TRPM3: variants seen among roughly 807,000 people sequenced by gnomAD.
TRPM3 encodes transient receptor potential cation channel subfamily M member 3, also known as long transient receptor potential channel 3.
A neutral mutation model predicts 181.2 loss-of-function variants in TRPM3; 77 were observed. The observed-to-expected ratio is 0.42, with a 90% CI of 0.35 to 0.51. TRPM3 has a LOEUF of 0.51. Among genes scored for constraint, TRPM3 ranks in the 20% least tolerant of loss-of-function variants. The pLI, the probability that TRPM3 is intolerant of heterozygous loss-of-function variation, is 0.01. For synonymous variants in TRPM3, 745 were observed against 796.4 expected, an observed-to-expected ratio of 0.94 and a Z score of 1.09; for missense variants, 1,759 against 2,196.7, an observed-to-expected ratio of 0.80 and a Z score of 3.98.
chr9:71,291,476 A>G (rs2085806026), intron 1 of TRPM3, among the ~76,000 whole-genome samples: 1 of 152,120 alleles, frequency 6.6e-6, no homozygotes. Flanking sequence ...AGCCAATTAG[A>G]TCTTTAATTT....
chr9:71,345,870 C>T (rs1426516480), intron 1 of TRPM3, among the ~76,000 whole-genome samples: 1 of 152,180 alleles, frequency 6.6e-6, no homozygotes, highest in African/African-American at 2.4e-5. Flanking sequence ...TTACACCACA[C>T]ATCCGCTAGA....
intron 25 of TRPM3, among the ~76,000 whole-genome samples, chr9:70,545,410 TCTG>T (rs1332290546): frequency 6.6e-6 from 1 of 152,200 alleles, no homozygotes; most frequent in Non-Finnish European, 1.5e-5. Context: ...TAGTAGATGA[TCTG>T]CTGGAAAGCA....
intron 1 of TRPM3, among the ~76,000 whole-genome samples, chr9:71,199,864 C>T (rs1265219936): frequency 6.6e-6 from 1 of 151,920 alleles, no homozygotes; most frequent in East Asian, 1.9e-4. Flanking sequence ...TTTTGTGTCT[C>T]TATTTCCTTC....
At chr9:71,271,651 G>C (rs1217676458) in intron 1 of TRPM3, among the ~76,000 whole-genome samples, 1 of 151,656 alleles carries the variant, frequency 6.6e-6, no homozygotes, top group Non-Finnish European at 1.5e-5. Flanking sequence ...CCCCACCAAA[G>C]AGCCACAAAG....
chr9:71,195,217 A>T (rs1565326745), intron 1 of TRPM3, among the ~76,000 whole-genome samples: 1 of 152,138 alleles, frequency 6.6e-6, no homozygotes. Flanking sequence ...CAGAGTGAAC[A>T]GACAACCTAC....
rs575074711 is a variant in TRPM3, at chr9:70,636,747, G to T, written c.1582-1486C>A. ...CTGTCACCTGGGCTGGAGTGCGGTG[G>T]TGTGATCTCAGCTCACTGCAACCTC... On this transcript the variant is annotated intron_variant, in intron 11 of 25. Transcript: ENST00000677713. 3.3e-3 allele frequency among the ~76,000 whole-genome samples: 494 copies of T among 150,860 alleles called. 3 individuals are homozygous for T. Among genetic ancestry groups the T allele is most frequent in the Middle Eastern group, 0.014 (4 of 294 alleles).
chr9:70,859,464 G>A (rs1222223094), intron 3 of TRPM3, among the ~76,000 whole-genome samples: 1 of 152,174 alleles, frequency 6.6e-6, no homozygotes, highest in Non-Finnish European at 1.5e-5. Context: ...ACTCTGTCAT[G>A]TAGGAATAAC....
At chr9:71,331,742 G>GAGAAAA (rs2090142909) in intron 1 of TRPM3, among the ~76,000 whole-genome samples, 3 of 84,138 alleles carry the variant, frequency 3.6e-5, no homozygotes, top group African/African-American at 1.4e-4. Flanking sequence ...GAAAAAGGAG[G>GAGAAAA]AGGAGGAAAA....
intron 1 of TRPM3, among the ~76,000 whole-genome samples, chr9:71,324,949 G>C (rs575699064): frequency 6.6e-6 from 1 of 151,982 alleles, no homozygotes; most frequent in African/African-American, 2.4e-5. Context: ...AAGGGTGAGT[G>C]GGGGAGAGGA....
intron 25 of TRPM3, among the ~76,000 whole-genome samples, chr9:70,546,517 G>A (rs1195000641): frequency 6.6e-6 from 1 of 152,162 alleles, no homozygotes; most frequent in Admixed American, 6.5e-5. Flanking sequence ...CCTGCCTTGT[G>A]GATCCTTAGT....
At chr9:71,079,716 G>T (rs2133718163) in intron 1 of TRPM3, among the ~76,000 whole-genome samples, 1 of 152,282 alleles carries the variant, frequency 6.6e-6, no homozygotes, top group Non-Finnish European at 1.5e-5. Flanking sequence ...AGTCAACAGG[G>T]TTTGTCGGAG....
intron 1 of TRPM3, among the ~76,000 whole-genome samples, chr9:70,913,220 C>T (rs962617866): frequency 1.3e-5 from 2 of 152,160 alleles, no homozygotes; most frequent in East Asian, 1.9e-4. Context: ...GGGCTCTGTT[C>T]CTCTGACATC....
chr9:70,827,463 G>A (rs2093626592), intron 6 of TRPM3: 1 of 157,876 alleles, frequency 6.3e-6, no homozygotes, highest in African/African-American at 2.4e-5. Flanking sequence ...TCGGTGCTAA[G>A]ATCAAAATCT....
At chr9:70,739,400 CAGA>C (rs774028839) in intron 8 of TRPM3, among the ~76,000 whole-genome samples, 18 of 152,206 alleles carry the variant, frequency 1.2e-4, no homozygotes, top group Non-Finnish European at 1.6e-4. Flanking sequence ...TCAATAGATG[CAGA>C]AGAAGTATTT....
intron 1 of TRPM3, among the ~76,000 whole-genome samples, chr9:70,874,171 TG>T (rs1427060039): frequency 6.6e-6 from 1 of 152,018 alleles, no homozygotes; most frequent in Non-Finnish European, 1.5e-5. Context: ...AGAATGTTCA[TG>T]TAGCATGTCA....
chr9:70,604,777 G>A (rs2132821077), intron 19 of TRPM3, among the ~76,000 whole-genome samples: 1 of 152,008 alleles, frequency 6.6e-6, no homozygotes, highest in Admixed American at 6.5e-5. Context: ...CTCCTGGGTA[G>A]CTGGGATAAC....
intron 8 of TRPM3, among the ~76,000 whole-genome samples, chr9:70,687,839 A>G (rs1447808595): frequency 1.3e-5 from 2 of 152,214 alleles, no homozygotes; most frequent in East Asian, 3.8e-4. Context: ...GGGCATATTA[A>G]TTGAGTATCT....
intron 1 of TRPM3, among the ~76,000 whole-genome samples, chr9:71,362,173 G>T (rs2092174129): frequency 1.3e-5 from 2 of 152,186 alleles, no homozygotes. Context: ...ATTCAGGCAG[G>T]GTTCCCCTAT....
At chr9:70,928,896 T>C (rs1372845333) in intron 1 of TRPM3, among the ~76,000 whole-genome samples, 3 of 152,270 alleles carry the variant, frequency 2.0e-5, no homozygotes, top group South Asian at 4.2e-4. Context: ...TTTCTTTAGC[T>C]TCCAACCAAA....
Sources: allele counts gnomAD v4.1 joint callset (sites outside exome capture counted in the v4.1 genomes callset), GRCh38; gene constraint gnomAD v4.1.1; transcripts MANE v1.5; gene names NCBI Gene and HGNC (gene_info 2026-07-23, HGNC 2026-07-21).